Variants in CTNNA3 observed in about 807,000 individuals in gnomAD.
CTNNA3 encodes catenin alpha-3.
Under a neutral mutation model 95.7 loss-of-function variants are expected in CTNNA3, and 76 were observed. The observed-to-expected ratio is 0.79, with a 90% CI of 0.66 to 0.96. The LOEUF is 0.96. CTNNA3 is among the 40% of genes least tolerant of loss of function. The pLI, the probability that CTNNA3 is intolerant of heterozygous loss-of-function variation, is 0.00. For synonymous variants in CTNNA3, 431 were observed against 374.4 expected, an observed-to-expected ratio of 1.15 and a Z score of -1.74; for missense variants, 1,191 against 1,089.8, an observed-to-expected ratio of 1.09 and a Z score of -1.31.
intron 9 of CTNNA3, among the ~76,000 whole-genome samples, chr10:66,702,707 C>CAAA (rs36140474): frequency 0.071 from 5,760 of 81,166 alleles, 369 homozygotes; most frequent in Middle Eastern, 0.11. Context: ...AACTCCACCT[C>CAAA]AAAAAAAAAA....
intron 1 of CTNNA3, among the ~76,000 whole-genome samples, chr10:67,678,484 T>G (rs1327580333): frequency 6.6e-6 from 1 of 152,202 alleles, no homozygotes; most frequent in Non-Finnish European, 1.5e-5. Flanking sequence ...AGAATGGAAC[T>G]GCTACCCTGG....
At chr10:67,659,490 T>A (rs1388733380) in intron 1 of CTNNA3, among the ~76,000 whole-genome samples, 1 of 152,184 alleles carries the variant, frequency 6.6e-6, no homozygotes. Context: ...TTGTACCATA[T>A]AAAAAGTATG....
chr10:66,396,136 C>T (rs577093027), intron 11 of CTNNA3, among the ~76,000 whole-genome samples: 1 of 152,028 alleles, frequency 6.6e-6, no homozygotes, highest in South Asian at 2.1e-4. Context: ...TTAATGGCTG[C>T]ATAGTATTCC....
At chr10:66,471,309 TTTC>T (rs1437328043) in intron 11 of CTNNA3, among the ~76,000 whole-genome samples, 4 of 151,836 alleles carry the variant, frequency 2.6e-5, no homozygotes, top group Admixed American at 1.3e-4. Context: ...TTATTATATC[TTTC>T]TTATTTTTAC....
At chr10:66,645,315 C>A (rs564925545) in intron 9 of CTNNA3, among the ~76,000 whole-genome samples, 7 of 151,954 alleles carry the variant, frequency 4.6e-5, no homozygotes, top group African/African-American at 1.7e-4. Flanking sequence ...TTGTTCTAAA[C>A]ATTTTGTATT....
intron 8 of CTNNA3, among the ~76,000 whole-genome samples, chr10:66,769,560 C>T (rs1047293520): frequency 1.3e-5 from 2 of 152,178 alleles, no homozygotes; most frequent in African/African-American, 2.4e-5. Flanking sequence ...GTTCCATGTC[C>T]TCTGAAGACA....
At chr10:67,050,059 G>A (rs1025225683) in intron 7 of CTNNA3, among the ~76,000 whole-genome samples, 7 of 152,140 alleles carry the variant, frequency 4.6e-5, no homozygotes, top group African/African-American at 1.4e-4. Flanking sequence ...GGCTAGGCAT[G>A]CACAAATTTC....
At chr10:66,610,919 T>A (rs1465811418) in intron 10 of CTNNA3, among the ~76,000 whole-genome samples, 1 of 152,076 alleles carries the variant, frequency 6.6e-6, no homozygotes, top group Non-Finnish European at 1.5e-5. Context: ...AATAAAAAAA[T>A]GTGGCATATG....
chr10:66,268,125 A>C (rs541150569), intron 13 of CTNNA3, among the ~76,000 whole-genome samples: 1 of 152,262 alleles, frequency 6.6e-6, no homozygotes, highest in South Asian at 2.1e-4. Flanking sequence ...GATGACTATG[A>C]TAATAAGAGC....
At chr10:66,895,039 A>C (rs2132505129) in intron 7 of CTNNA3, among the ~76,000 whole-genome samples, 1 of 129,858 alleles carries the variant, frequency 7.7e-6, no homozygotes, top group East Asian at 2.2e-4. Context: ...ATAGAGAAAA[A>C]GTGAAACAAA....
chr10:66,283,745 T>C (rs2091534297), intron 12 of CTNNA3, among the ~76,000 whole-genome samples: 1 of 151,926 alleles, frequency 6.6e-6, no homozygotes, highest in Non-Finnish European at 1.5e-5. Flanking sequence ...CATTTCTCAT[T>C]TCATTAGCTT....
chr10:67,183,831 G>T (rs750022080), intron 6 of CTNNA3, among the ~76,000 whole-genome samples: 1 of 152,032 alleles, frequency 6.6e-6, no homozygotes, highest in African/African-American at 2.4e-5. Context: ...TTATGCAAGT[G>T]ATGATACCAG....
chr10:66,191,975 C>T (rs571990094), intron 13 of CTNNA3, among the ~76,000 whole-genome samples: 6 of 152,292 alleles, frequency 3.9e-5, no homozygotes, highest in Non-Finnish European at 5.9e-5. Flanking sequence ...TTTCAGTCCC[C>T]TGGCCATCCA....
At chr10:66,693,223 A>G (rs546120996) in intron 9 of CTNNA3, among the ~76,000 whole-genome samples, 53 of 152,202 alleles carry the variant, frequency 3.5e-4, no homozygotes, top group African/African-American at 1.3e-3. Context: ...CCCATCTCAC[A>G]CGCAGAGACA....
intron 1 of CTNNA3, among the ~76,000 whole-genome samples, chr10:67,651,162 TA>T (rs1417740448): frequency 6.6e-6 from 1 of 152,206 alleles, no homozygotes; most frequent in Non-Finnish European, 1.5e-5. Flanking sequence ...GTAACACAAT[TA>T]GTTTGTAAGG....
At chr10:66,587,311 G>A (rs757698248) in intron 10 of CTNNA3, among the ~76,000 whole-genome samples, 2 of 152,124 alleles carry the variant, frequency 1.3e-5, no homozygotes, top group Admixed American at 6.5e-5. Flanking sequence ...GGGCTGTGCC[G>A]GTTGGCCTCC....
chr10:67,592,018 A>T (rs374224050), intron 3 of CTNNA3, among the ~76,000 whole-genome samples: 12 of 152,188 alleles, frequency 7.9e-5, no homozygotes, highest in African/African-American at 2.9e-4. Flanking sequence ...AGAGTCCACG[A>T]CTGGAGTGAG....
intron 5 of CTNNA3, among the ~76,000 whole-genome samples, chr10:67,293,131 T>A (rs1839901228): frequency 6.6e-6 from 1 of 152,126 alleles, no homozygotes; most frequent in East Asian, 1.9e-4. Flanking sequence ...CATAAAAAAA[T>A]TATTCCTGAA....
intron 1 of CTNNA3, among the ~76,000 whole-genome samples, chr10:67,741,408 G>A (rs965658186): frequency 1.4e-5 from 2 of 145,944 alleles, no homozygotes; most frequent in African/African-American, 5.0e-5. Context: ...GCCAAACTAA[G>A]CTTCATAAGT....
Sources: allele counts gnomAD v4.1 joint callset (sites outside exome capture counted in the v4.1 genomes callset), GRCh38; gene constraint gnomAD v4.1.1; transcripts MANE v1.5; gene names NCBI Gene and HGNC (gene_info 2026-07-23, HGNC 2026-07-21).